ABAT: variants seen among roughly 807,000 people sequenced by gnomAD.
ABAT encodes the protein 4-aminobutyrate aminotransferase.
ABAT carries 45 observed loss-of-function variants against 64.6 expected under a neutral mutation model. That is an observed-to-expected ratio of 0.70 (90% CI 0.55 to 0.89). ABAT has a LOEUF of 0.89. Ranked by LOEUF, ABAT falls within the 40% of genes least tolerant of loss-of-function variation. The pLI is 0.00. For missense variants in ABAT, 633 were observed against 658.4 expected, an observed-to-expected ratio of 0.96 and a Z score of 0.42; for synonymous variants, 297 against 250.5, an observed-to-expected ratio of 1.19 and a Z score of -1.75.
At chr16:8,741,884 A>T (rs1446098705) in intron 2 of ABAT, among the ~76,000 whole-genome samples, 1 of 152,238 alleles carries the variant, frequency 6.6e-6, no homozygotes, top group Admixed American at 6.5e-5. Context: ...TAAACTGTGA[A>T]CAACAATACT....
chr16:8,763,498 TG>T, intron 6 of ABAT, among the ~76,000 whole-genome samples: 1 of 152,350 alleles, frequency 6.6e-6, no homozygotes, highest in East Asian at 1.9e-4. Context: ...ACAGTGATGC[TG>T]GTTTTTGGAT....
rs1037114098 is a variant in ABAT at position 8,710,002 on chromosome 16, C to T, written c.-41-25697C>T. On this transcript the variant is annotated intron_variant, in intron 1 of 15. Coordinates refer to ENST00000268251, the MANE Select transcript of ABAT (RefSeq NM_020686.6). The stretch of plus-strand genomic sequence containing the variant: ...TATGTTTGTATTTTTTTATACAGAC[C>T]TGCTTTCACTGTATTGCCCAGGCTG... 5.3e-5 allele frequency among the ~76,000 whole-genome samples: 8 copies of T among 151,900 alleles called. No individual in the cohort carries two copies. The East Asian group carries it at 1.6e-3, about 30-fold the overall frequency.
intron 1 of ABAT, among the ~76,000 whole-genome samples, chr16:8,702,026 G>A (rs1053973749): frequency 3.9e-5 from 6 of 152,164 alleles, no homozygotes; most frequent in Admixed American, 6.5e-5. Context: ...CTGTCACTCT[G>A]CGATGGGGGT....
chr16:8,711,441 A>G (rs1567279544), intron 1 of ABAT, among the ~76,000 whole-genome samples: 1 of 152,206 alleles, frequency 6.6e-6, no homozygotes. Context: ...GATAACAGGA[A>G]GGAGGAATCA....
At chr16:8,695,437 A>G (rs900927509) in intron 1 of ABAT, among the ~76,000 whole-genome samples, 3 of 152,188 alleles carry the variant, frequency 2.0e-5, no homozygotes, top group Non-Finnish European at 2.9e-5. Flanking sequence ...CACTGCATTC[A>G]TGATTCTGCA....
chr16:8,712,293 A>G (rs1485058681), intron 1 of ABAT, among the ~76,000 whole-genome samples: 1 of 152,224 alleles, frequency 6.6e-6, no homozygotes, highest in East Asian at 1.9e-4. Context: ...GCTTACTTTT[A>G]TGCAGGTTGA....
chr16:8,677,931 C>T (rs1407281366), intron 1 of ABAT, among the ~76,000 whole-genome samples: 4 of 151,834 alleles, frequency 2.6e-5, no homozygotes, highest in East Asian at 3.9e-4. Context: ...TGGTGGCATG[C>T]GCCTGTAGTC....
At chr16:8,741,979 A>G (rs974975884) in intron 2 of ABAT, among the ~76,000 whole-genome samples, 1 of 152,226 alleles carries the variant, frequency 6.6e-6, no homozygotes, top group African/African-American at 2.4e-5. Flanking sequence ...TTTAGTAAAG[A>G]CTGAATATGT....
At position 8,784,528 on chromosome 16, in the gene ABAT, T is replaced by G. The variant is rs2060504199; in HGVS notation, c.*3098T>G. The G allele has an allele frequency of 6.6e-6, 1 of 152,168 alleles. No homozygotes were observed. Among genetic ancestry groups the G allele is most frequent in the African/African-American group, 2.4e-5 (1 of 41,350 alleles). 9.4% of individuals were successfully genotyped at this position (152,168 alleles called of 1,614,324 possible). A position where few individuals can be genotyped will look rare whatever the true frequency, so the allele number is the denominator to read the frequency against. On this transcript the variant is annotated 3_prime_UTR_variant, in exon 16 of 16. Coordinates refer to ENST00000268251, the MANE Select transcript of ABAT (RefSeq NM_020686.6). ...CACAATTCCATGAATTAAATCTGTT[T>G]CCTGTGTTAGTCAGTATTCTTAAAT...
At chr16:8,734,577 A>G (rs770582376) in intron 1 of ABAT, among the ~76,000 whole-genome samples, 2 of 152,152 alleles carry the variant, frequency 1.3e-5, no homozygotes, top group Non-Finnish European at 2.9e-5. Flanking sequence ...ACATGTTAAT[A>G]ATAGTAATAA....
At chr16:8,725,750 C>CT (rs1428168392) in intron 1 of ABAT, among the ~76,000 whole-genome samples, 1 of 152,160 alleles carries the variant, frequency 6.6e-6, no homozygotes, top group Non-Finnish European at 1.5e-5. Context: ...CAACCTAGTA[C>CT]TTAGGGGTGG....
chr16:8,779,690 G>A (rs1255905158), intron 15 of ABAT, 100 bp downstream of exon 15: 6 of 929,424 alleles, frequency 6.5e-6, no homozygotes, highest in Non-Finnish European at 1.0e-5. Context: ...TTGTGTGGGG[G>A]GCAGGTGGTA....
intron 1 of ABAT, among the ~76,000 whole-genome samples, chr16:8,728,484 A>T (rs2058622741): frequency 6.6e-6 from 1 of 152,180 alleles, no homozygotes; most frequent in Non-Finnish European, 1.5e-5. Flanking sequence ...GAAAGACATG[A>T]ACTGCACTTT....
chr16:8,769,781 T>G (rs1327898984), intron 11 of ABAT, among the ~76,000 whole-genome samples: 1 of 152,122 alleles, frequency 6.6e-6, no homozygotes, highest in Non-Finnish European at 1.5e-5. Flanking sequence ...CCTCTTTAGA[T>G]CCACTCAGTA....
chr16:8,744,529 G>A (rs577295338), intron 2 of ABAT, among the ~76,000 whole-genome samples: 4 of 150,308 alleles, frequency 2.7e-5, no homozygotes, highest in South Asian at 2.2e-4. Flanking sequence ...CACCACACCC[G>A]GCTAGTTTTT....
intron 2 of ABAT, among the ~76,000 whole-genome samples, chr16:8,743,423 T>TTTATA (rs1288241223): frequency 2.2e-5 from 1 of 45,296 alleles, no homozygotes; most frequent in Non-Finnish European, 3.8e-5. Context: ...ATGGAAACAG[T>TTTATA]TATATATATA....
chr16:8,726,146 G>C (rs1001760783), intron 1 of ABAT, among the ~76,000 whole-genome samples: 2 of 151,770 alleles, frequency 1.3e-5, no homozygotes, highest in African/African-American at 2.4e-5. Flanking sequence ...CAATTGATTT[G>C]ATTTTTAGAT....
At chr16:8,700,816 G>A (rs1199052323) in intron 1 of ABAT, among the ~76,000 whole-genome samples, 5 of 151,846 alleles carry the variant, frequency 3.3e-5, no homozygotes, top group Admixed American at 3.3e-4. Context: ...ATGTTGCTCA[G>A]GCTGGTCTTG....
At chr16:8,696,796 G>A (rs1378196131) in intron 1 of ABAT, among the ~76,000 whole-genome samples, 1 of 152,126 alleles carries the variant, frequency 6.6e-6, no homozygotes, top group Non-Finnish European at 1.5e-5. Context: ...GCCTGGTCTT[G>A]GACAGGCCTC....
Sources: allele counts gnomAD v4.1 joint callset (sites outside exome capture counted in the v4.1 genomes callset), GRCh38; gene constraint gnomAD v4.1.1; transcripts MANE v1.5; gene names NCBI Gene and HGNC (gene_info 2026-07-23, HGNC 2026-07-21).